Variants in CENPL observed in about 807,000 individuals in gnomAD.
CENPL encodes centromere protein L.
Under a neutral mutation model 35.2 loss-of-function variants are expected in CENPL, and 20 were observed. That is an observed-to-expected ratio of 0.57 (90% CI 0.40 to 0.83). CENPL has a LOEUF of 0.83. CENPL is among the 40% of genes least tolerant of loss of function. The pLI is 0.00. For synonymous variants in CENPL, 140 were observed against 140.6 expected, an observed-to-expected ratio of 1.00 and a Z score of 0.03; for missense variants, 363 against 395.8, an observed-to-expected ratio of 0.92 and a Z score of 0.70.
chr1:173,816,456 A>C (rs1651384894), intron 2 of CENPL, among the ~76,000 whole-genome samples: 1 of 152,224 alleles, frequency 6.6e-6, no homozygotes, highest in South Asian at 2.1e-4. Context: ...ACAGTAACCA[A>C]AACAGCATGG....
chr1:173,813,054 C>G (rs1046881641), intron 2 of CENPL, among the ~76,000 whole-genome samples: 3 of 152,034 alleles, frequency 2.0e-5, no homozygotes, highest in African/African-American at 7.2e-5. Context: ...CCAATTCAAT[C>G]AAGTGGAAGA....
At chr1:173,815,668 A>G (rs1457315633) in intron 2 of CENPL, among the ~76,000 whole-genome samples, 4 of 152,144 alleles carry the variant, frequency 2.6e-5, no homozygotes, top group Admixed American at 1.3e-4. Context: ...CATAAACTAG[A>G]TATTGATGGA....
At chr1:173,810,987 C>CA in intron 3 of CENPL, 145 bp downstream of exon 3, 1 of 631,004 alleles carries the variant, frequency 1.6e-6, no homozygotes, top group Non-Finnish European at 2.7e-6. Context: ...TAGCACTGAT[C>CA]GTTATGAAAT....
chr1:173,817,533 A>G (rs1389332246), intron 2 of CENPL, among the ~76,000 whole-genome samples: 1 of 152,260 alleles, frequency 6.6e-6, no homozygotes, highest in African/African-American at 2.4e-5. Context: ...GTGGAGAAAT[A>G]GGAATGCTTT....
At chr1:173,805,988 T>A (rs1482347659) in intron 4 of CENPL, among the ~76,000 whole-genome samples, 1 of 152,210 alleles carries the variant, frequency 6.6e-6, no homozygotes, top group African/African-American at 2.4e-5. Flanking sequence ...AAGGGCCAGT[T>A]AGTAAGCATT....
At chr1:173,803,694 T>C (rs12082206) in intron 4 of CENPL, among the ~76,000 whole-genome samples, 189 bp from the exon 5 acceptor site, 13,734 of 151,160 alleles carry the variant, frequency 0.091, 2,027 homozygotes, top group African/African-American at 0.31. Context: ...TTTTTTGAGA[T>C]GGAGTCTCAC....
intron 3 of CENPL, among the ~76,000 whole-genome samples, chr1:173,810,355 T>C (rs1650690587): frequency 1.3e-5 from 2 of 151,908 alleles, no homozygotes; most frequent in Non-Finnish European, 2.9e-5. Context: ...CGCTTAGGCC[T>C]GTCGGGGGTG....
chr1:173,803,287 G>A lies in CENPL; in HGVS notation c.639C>T (p.Ile213=). The change falls in exon 5 of 6, where the codon ATC becomes ATT. Residue 213 remains isoleucine (I), a synonymous_variant. Coordinates refer to ENST00000682279, the MANE Select transcript of CENPL (RefSeq NM_001387287.1). The part of the protein sequence containing the change: ...TFDCYFSPLA[I]NAFNLSWMAA... ...CCATCCAGGAAAGATTAAATGCATT[G>A]ATTGCTAAAGGACTGAAATAACAGT... The A allele has an allele frequency of 1.9e-6, 3 of 1,613,198 alleles. No individual in the cohort carries two copies. The highest frequency in any genetic ancestry group is 1.7e-6 in the Non-Finnish European group (2 of 1,179,152).
At position 173,811,866 on chromosome 1, in the gene CENPL, C is replaced by T. The variant is rs189905742; in HGVS notation, c.-7-560G>A. ...TGAGCCAAAACAGGGTGGGGCATTG[C>T]CCCACCTGGGAAGCGCAAGGGGTCC... On this transcript the variant is annotated intron_variant, in intron 2 of 5. Coordinates refer to ENST00000682279, the MANE Select transcript of CENPL (RefSeq NM_001387287.1). Among the ~76,000 whole-genome samples the T allele has an allele frequency of 2.7e-3, 413 of 152,358 alleles. 3 individuals are homozygous for T. The highest frequency in any genetic ancestry group is 9.2e-3 in the African/African-American group (384 of 41,584).
At chr1:173,817,883 TCTCAGCAAA>T (rs1651561442) in intron 2 of CENPL, among the ~76,000 whole-genome samples, 1 of 152,166 alleles carries the variant, frequency 6.6e-6, no homozygotes, top group African/African-American at 2.4e-5. Flanking sequence ...AAACCATCAT[TCTCAGCAAA>T]CTATCACAAG....
intron 2 of CENPL, 37 bp from the exon 3 acceptor site, chr1:173,811,343 T>C (rs1197747552): frequency 7.0e-7 from 1 of 1,421,238 alleles, no homozygotes; most frequent in East Asian, 2.3e-5. Flanking sequence ...TTCTAAGCAC[T>C]AAAAAGTTAA....
chr1:173,819,885 T>G (rs1160650297), intron 2 of CENPL, among the ~76,000 whole-genome samples: 2 of 151,516 alleles, frequency 1.3e-5, no homozygotes, highest in Non-Finnish European at 2.9e-5. Context: ...TTTTTTGTAT[T>G]TTTAGTAGAG....
chr1:173,807,558 G>A, intron 3 of CENPL, 40 bp from the exon 4 acceptor site: 1 of 1,417,446 alleles, frequency 7.1e-7, no homozygotes, highest in Non-Finnish European at 9.5e-7. Flanking sequence ...TTAAGAATTA[G>A]GAAACAATAA....
intron 3 of CENPL, among the ~76,000 whole-genome samples, chr1:173,809,804 TA>T (rs1468530417): frequency 6.7e-6 from 1 of 150,132 alleles, no homozygotes; most frequent in African/African-American, 2.5e-5. Context: ...TATTACAAAG[TA>T]AAAAAACAAC....
chr1:173,806,183 C>T (rs1401381916), intron 4 of CENPL, among the ~76,000 whole-genome samples: 1 of 152,218 alleles, frequency 6.6e-6, no homozygotes, highest in Non-Finnish European at 1.5e-5. Flanking sequence ...CTAATCTATA[C>T]AAACAAAAAG....
At chr1:173,801,963 T>C (rs1017560408) in intron 5 of CENPL, among the ~76,000 whole-genome samples, 1 of 150,410 alleles carries the variant, frequency 6.6e-6, no homozygotes, top group African/African-American at 2.4e-5. Context: ...GCAGAGGTTG[T>C]AGTTAGCTGA....
At chr1:173,818,281 CTTTAT>C (rs961170905) in intron 2 of CENPL, among the ~76,000 whole-genome samples, 17 of 152,222 alleles carry the variant, frequency 1.1e-4, no homozygotes, top group Admixed American at 2.6e-4. Flanking sequence ...AAAAATAGCA[CTTTAT>C]TTTATCTATG....
intron 3 of CENPL, among the ~76,000 whole-genome samples, chr1:173,809,594 TAAA>T (rs573267648): frequency 8.7e-6 from 1 of 114,702 alleles, no homozygotes; most frequent in East Asian, 2.5e-4. Flanking sequence ...AGACACTCTC[TAAA>T]AAAAAAAAAC....
chr1:173,819,056 G>A (rs1651684355), intron 2 of CENPL, among the ~76,000 whole-genome samples: 1 of 151,924 alleles, frequency 6.6e-6, no homozygotes, highest in Non-Finnish European at 1.5e-5. Context: ...GCAACGCTGT[G>A]AGACTCCATC....
Sources: allele counts gnomAD v4.1 joint callset (sites outside exome capture counted in the v4.1 genomes callset), GRCh38; gene constraint gnomAD v4.1.1; transcripts MANE v1.5; gene names NCBI Gene and HGNC (gene_info 2026-07-23, HGNC 2026-07-21).